HECTD4: variants seen among roughly 807,000 people sequenced by gnomAD.
HECTD4 encodes HECT domain E3 ubiquitin protein ligase 4.
A neutral mutation model predicts 471.5 loss-of-function variants in HECTD4; 114 were observed. That is an observed-to-expected ratio of 0.24 (90% CI 0.21 to 0.28). The LOEUF is 0.28. Among genes scored for constraint, HECTD4 ranks in the 10% least tolerant of loss-of-function variants. The pLI, the probability that HECTD4 is intolerant of heterozygous loss-of-function variation, is 1.00. For missense variants in HECTD4, 3,866 were observed against 5,651.5 expected (o/e 0.68, Z 10.13); for synonymous variants, 2,012 against 2,256.0 (o/e 0.89, Z 3.07).
At position 112,382,343 on chromosome 12, in the gene HECTD4, G is replaced by GCCA; in HGVS notation, c.-216_-215insTGG. On this transcript the variant is annotated 5_prime_UTR_variant, in exon 1 of 76. Coordinates refer to ENST00000682272, the MANE Select transcript of HECTD4 (RefSeq NM_001388303.1). ...CCCCGGCCCTGCCGCCGCCGCCGCC[G>GCCA]CCGCCGCCGCCGCCGCCCTCAGGAG... 1 of 401,454 alleles carries GCCA rather than the reference G, an allele frequency of 2.5e-6. No individual in the cohort carries two copies. The highest frequency in any genetic ancestry group is 4.2e-6 in the Non-Finnish European group (1 of 235,400). 24.9% of individuals were successfully genotyped at this position (401,454 alleles called of 1,614,324 possible). A position where few individuals can be genotyped will look rare whatever the true frequency, so the allele number is the denominator to read the frequency against.
At chr12:112,337,780 T>C (rs188551180) in intron 1 of HECTD4, among the ~76,000 whole-genome samples, 119 of 152,346 alleles carry the variant, frequency 7.8e-4, no homozygotes, top group African/African-American at 2.8e-3. Flanking sequence ...TGTTTTTGCA[T>C]TCCAAACTAA....
intron 4 of HECTD4, among the ~76,000 whole-genome samples, chr12:112,311,167 C>T (rs1160582278): frequency 3.3e-5 from 5 of 151,664 alleles, no homozygotes; most frequent in African/African-American, 1.2e-4. Flanking sequence ...GAGGCTGAGG[C>T]AGGAGAATTG....
chr12:112,370,947 C>T (rs2036655191), intron 1 of HECTD4, among the ~76,000 whole-genome samples: 1 of 152,170 alleles, frequency 6.6e-6, no homozygotes, highest in Non-Finnish European at 1.5e-5. Context: ...GTAAAGCAGA[C>T]TACACTCCTT....
intron 62 of HECTD4, among the ~76,000 whole-genome samples, chr12:112,181,125 A>C (rs1328799682): frequency 6.6e-6 from 1 of 151,012 alleles, no homozygotes; most frequent in Non-Finnish European, 1.5e-5. Context: ...CTGAGATCGC[A>C]CCACTGCACT....
In HECTD4 at chr12:112,381,859, G is replaced by T; in HGVS notation, c.177+93C>A. On this transcript the variant is annotated intron_variant, in intron 1 of 75. Coordinates refer to ENST00000682272, the MANE Select transcript of HECTD4 (RefSeq NM_001388303.1). This position sits in a 1 kb window ranked among gnomAD's most constrained non-coding sequence, Gnocchi z 4.1. ...CCTGCCCCGGCAGCCGCCGGGAGGC[G>T]AGGCCGCGGCTGAGGCGAGGAGGGG... is the stretch of plus-strand genomic sequence containing the variant. The T allele has an allele frequency of 2.1e-6, 2 of 946,224 alleles. No individual in the cohort carries two copies. Among genetic ancestry groups the T allele is most frequent in the East Asian group, 3.5e-5 (1 of 28,310 alleles). 58.6% of individuals were successfully genotyped at this position (946,224 alleles called of 1,614,324 possible).
chr12:112,371,173 T>C (rs1319367416), intron 1 of HECTD4, among the ~76,000 whole-genome samples: 1 of 152,114 alleles, frequency 6.6e-6, no homozygotes, highest in Non-Finnish European at 1.5e-5. Flanking sequence ...CAGATAATAA[T>C]CAAAGCTGAT....
Position 112,193,383 on chromosome 12 carries a change from A to C in HECTD4, c.8955+86T>G. 7.2e-7 allele frequency: 1 copy of C among 1,392,076 alleles called. No homozygotes were observed. Among genetic ancestry groups the C allele is most frequent in the Non-Finnish European group, 1.0e-6 (1 of 1,003,650 alleles). 86.2% of individuals were successfully genotyped at this position (1,392,076 alleles called of 1,614,324 possible). On this transcript the variant is annotated intron_variant, in intron 57 of 75. Transcript: ENST00000682272. The surrounding 1 kb of genome is among the most constrained non-coding windows in gnomAD (Gnocchi z 5.2). ...CGAGAGGAATAGGGACTTGGAAGGG[A>C]AAGGGGAGTCATTTTCAGCAAGCCA...
intron 49 of HECTD4, among the ~76,000 whole-genome samples, chr12:112,212,027 T>C (rs1272060334): frequency 6.6e-6 from 1 of 152,206 alleles, no homozygotes; most frequent in African/African-American, 2.4e-5. Flanking sequence ...TGGATATTAA[T>C]AGATGCCCCT....
intron 4 of HECTD4, 148 bp from the exon 5 acceptor site, chr12:112,309,817 G>C: frequency 1.9e-6 from 1 of 519,014 alleles, no homozygotes; most frequent in Non-Finnish European, 3.4e-6. Context: ...GACTTTCAGG[G>C]AAGATGGCTT....
At position 112,243,757 on chromosome 12, in the gene HECTD4, G is replaced by A. The variant is rs373287466; in HGVS notation, c.4654C>T (p.Arg1552Cys). The A allele has an allele frequency of 5.6e-6, 9 of 1,613,086 alleles. No individual in the cohort carries two copies. Among genetic ancestry groups the A allele is most frequent in the South Asian group, 1.1e-5 (1 of 90,976 alleles). ...CTGCTGCGGTGGCTGGTCACGTGGC[G>A]ACGCCTACGGGGAACACAGAACAGA... ...LEFTRANQRRRHVTSHRSSSF... is the reference protein window; with the variant it reads ...LEFTRANQRRCHVTSHRSSSF... The change falls in exon 31 of 76, where the codon CGC becomes TGC. Residue 1552 changes from arginine to cysteine, a missense_variant. Arg to Cys is a radical substitution (Grantham distance 180). Transcript: ENST00000682272. This position sits in a 1 kb window ranked among gnomAD's most constrained non-coding sequence, Gnocchi z 6.6.
Position 112,228,743 on chromosome 12 carries a change from A to C in HECTD4, c.6588T>G (p.Ala2196=). ...VASINEQEGI[A]TVRFPPIDCR... ...AGTCTATGGGTGGGAATCTGACTGT[A>C]GCTATACCTTCCTGTTCATTGATAG... Residue 2196 remains alanine, a synonymous_variant, in exon 42 of 76, where the codon GCT becomes GCG. Transcript: ENST00000682272. The surrounding 1 kb of genome is among the most constrained non-coding windows in gnomAD (Gnocchi z 4.9). 3 of 1,613,748 alleles carry C rather than the reference A, an allele frequency of 1.9e-6. No homozygotes were observed. Among genetic ancestry groups the C allele is most frequent in the Non-Finnish European group, 2.5e-6 (3 of 1,179,816 alleles).
chr12:112,365,807 T>A (rs2036546605), intron 1 of HECTD4, among the ~76,000 whole-genome samples: 1 of 146,454 alleles, frequency 6.8e-6, no homozygotes, highest in Admixed American at 7.0e-5. Flanking sequence ...GGTCTCCCTG[T>A]GTTGCCCAGG....
intron 1 of HECTD4, among the ~76,000 whole-genome samples, chr12:112,330,276 CAAAA>C (rs34034288): frequency 9.9e-6 from 1 of 100,724 alleles, no homozygotes. Context: ...TACTTTGTCT[CAAAA>C]AAAAAAAAAA....
Position 112,229,799 on chromosome 12 carries a change from T to C in HECTD4, c.6418A>G (p.Arg2140Gly), listed in dbSNP as rs1193463607. The part of the protein sequence containing the change: ...SILENGSSSG[R>G]KLAKLQRIAR... ...ATTCTCTGAAGTTTGGCAAGTTTCCTGCCACTGCTGCTGCCATTTTCCAGA... is the reference window on the plus strand; with the variant it reads ...ATTCTCTGAAGTTTGGCAAGTTTCCCGCCACTGCTGCTGCCATTTTCCAGA... The change falls in exon 41 of 76, where the codon AGG becomes GGG. Residue 2140 changes from arginine to glycine, a missense_variant. By Grantham distance (125) the Arg-to-Gly change is moderately radical. Transcript: ENST00000682272. 1 of 1,614,046 alleles carries C rather than the reference T, an allele frequency of 6.2e-7. No individual in the cohort carries two copies. Among genetic ancestry groups the C allele is most frequent in the African/African-American group, 1.3e-5 (1 of 75,062 alleles).
intron 11 of HECTD4, among the ~76,000 whole-genome samples, chr12:112,271,385 T>C (rs2034409549): frequency 6.6e-6 from 1 of 152,166 alleles, no homozygotes. Context: ...AGAAGTGGAA[T>C]CTTAATAGTG....
chr12:112,313,308 TTTTA>T (rs781020179), intron 3 of HECTD4, among the ~76,000 whole-genome samples, 161 bp from the exon 4 acceptor site: 1 of 151,914 alleles, frequency 6.6e-6, no homozygotes, highest in Non-Finnish European at 1.5e-5. Flanking sequence ...TATTTTTATT[TTTTA>T]TTTATGTTTC....
In HECTD4 at chr12:112,192,549, T is replaced by C. The variant is rs1241480190; in HGVS notation, c.9292+11A>G. ...AGCTGTTCTCATCATGACAAGCTGCTGGAGACTCACCCAGTTTGATGTGGA... is the reference window on the plus strand; with the variant it reads ...AGCTGTTCTCATCATGACAAGCTGCCGGAGACTCACCCAGTTTGATGTGGA... On this transcript the variant is annotated intron_variant, in intron 59 of 75. Transcript: ENST00000682272. 6.5e-7 allele frequency: 1 copy of C among 1,540,978 alleles called. No homozygotes were observed.
chr12:112,379,640 G>A (rs1217135058), intron 1 of HECTD4, among the ~76,000 whole-genome samples: 1 of 152,024 alleles, frequency 6.6e-6, no homozygotes, highest in East Asian at 1.9e-4. Context: ...GTTGCAGTGA[G>A]CTGAGATGGA....
rs1049381360 is a variant in HECTD4 at position 112,235,492 on chromosome 12, G to A, written c.5725+12C>T. The A allele has an allele frequency of 1.3e-6, 2 of 1,597,898 alleles. No homozygotes were observed. The highest frequency in any genetic ancestry group is 1.7e-6 in the Non-Finnish European group (2 of 1,171,512). ...CACTGCCATGCTACTCTCCTGTTGA[G>A]GAGCTTCTCACCTGGAACCACATAA... On this transcript the variant is annotated intron_variant, in intron 36 of 75. Coordinates refer to ENST00000682272, the MANE Select transcript of HECTD4 (RefSeq NM_001388303.1). The surrounding 1 kb of genome is among the most constrained non-coding windows in gnomAD (Gnocchi z 5.0).
Sources: allele counts gnomAD v4.1 joint callset (sites outside exome capture counted in the v4.1 genomes callset), GRCh38; gene constraint gnomAD v4.1.1; non-coding constraint Gnocchi (gnomAD v3.1); transcripts MANE v1.5; gene names NCBI Gene and HGNC (gene_info 2026-07-23, HGNC 2026-07-21).